Variants in FBXL13 observed in about 807,000 individuals in gnomAD.
The protein encoded by FBXL13 is F-box and leucine rich repeat protein 13.
Under a neutral mutation model 83.6 loss-of-function variants are expected in FBXL13, and 67 were observed. The ratio of observed to expected loss-of-function variants is 0.80; its 90% CI spans 0.66 to 0.98. The LOEUF is 0.98. FBXL13 is among the 50% of genes least tolerant of loss of function. The pLI, the probability that FBXL13 is intolerant of heterozygous loss-of-function variation, is 0.00. For synonymous variants in FBXL13, 272 were observed against 299.5 expected, an observed-to-expected ratio of 0.91 and a Z score of 0.95; for missense variants, 822 against 866.5, an observed-to-expected ratio of 0.95 and a Z score of 0.64.
Position 102,909,721 on chromosome 7 carries a change from A to C in FBXL13, c.1008+3365T>G, listed in dbSNP as rs572183461. Among the ~76,000 whole-genome samples the C allele has an allele frequency of 4.6e-5, 7 of 152,220 alleles. No homozygotes were observed. In the East Asian group the frequency reaches 1.2e-3, roughly 25 times the overall value. On this transcript the variant is annotated intron_variant, in intron 11 of 19. Coordinates refer to ENST00000313221, the Ensembl canonical transcript of FBXL13. ...CCTGGAACGAGGGCCTTATGACTCT[A>C]ACTGGTGCCCTATCCTGCCGTGGCT...
chr7:102,832,727 A>T, intron 18 of FBXL13, 113 bp downstream of exon 19: 3 of 1,266,112 alleles, frequency 2.4e-6, no homozygotes, highest in Non-Finnish European at 3.1e-6. Context: ...TCCAATGAAT[A>T]CCTCAACCAT....
intron 9 of FBXL13, among the ~76,000 whole-genome samples, chr7:102,927,663 T>C (rs935092514): frequency 3.3e-5 from 5 of 152,216 alleles, no homozygotes; most frequent in African/African-American, 1.2e-4. Flanking sequence ...GGGAAGGTTC[T>C]ATGCACCCAT....
At chr7:102,880,823 T>C (rs986332990) in intron 14 of FBXL13, among the ~76,000 whole-genome samples, 2 of 152,188 alleles carry the variant, frequency 1.3e-5, no homozygotes, top group Non-Finnish European at 2.9e-5. Context: ...CTTAAAGAGG[T>C]ACAAACCCTA....
chr7:103,054,573 T>A (rs1368424576), intron 2 of FBXL13, among the ~76,000 whole-genome samples: 2 of 152,190 alleles, frequency 1.3e-5, no homozygotes, highest in South Asian at 2.1e-4. Context: ...CAAAACTAGC[T>A]GCTGGTACCA....
At chr7:102,821,738 TTAAC>T (rs1438409435) in intron 19 of FBXL13, among the ~76,000 whole-genome samples, 2 of 152,132 alleles carry the variant, frequency 1.3e-5, no homozygotes, top group Non-Finnish European at 2.9e-5. Flanking sequence ...CTAGGGGAGA[TTAAC>T]TGAATGGACT....
Position 102,822,333 on chromosome 7 carries a change from C to A in FBXL13, c.1855-130G>T, listed in dbSNP as rs760864510. The A allele has an allele frequency of 5.6e-6, 5 of 888,632 alleles. No individual in the cohort carries two copies. In the South Asian group the frequency reaches 7.0e-5, roughly 12 times the overall value. The allele number at this position is 888,632 out of a possible 1,614,324, so 55.0% of individuals were successfully genotyped here. ...GCTTAAACATCAAACATTTATTTCT[C>A]ACAGTTCTAGAGGCTGGGAAGTCCA... On this transcript the variant is annotated intron_variant, in intron 18 of 19. Coordinates refer to ENST00000313221, the Ensembl canonical transcript of FBXL13.
chr7:102,979,260 A>G (rs959577162), intron 6 of FBXL13, among the ~76,000 whole-genome samples: 1 of 152,182 alleles, frequency 6.6e-6, no homozygotes, highest in Non-Finnish European at 1.5e-5. Flanking sequence ...TTTCAAGAAG[A>G]AATGGGTCCC....
chr7:103,041,495 A>C (rs572400927), intron 2 of FBXL13, among the ~76,000 whole-genome samples: 31 of 152,296 alleles, frequency 2.0e-4, no homozygotes, highest in East Asian at 7.7e-4. Context: ...ATCCTGATAC[A>C]AAAGCCTGAT....
chr7:103,028,637 C>G, exon 4 of FBXL13: 1 of 1,593,190 alleles, frequency 6.3e-7, no homozygotes, highest in African/African-American at 1.4e-5. Flanking sequence ...TATAAGAGTG[C>G]CAGTGATGAA....
intron 6 of FBXL13, among the ~76,000 whole-genome samples, chr7:102,977,365 G>T (rs996618239): frequency 6.6e-6 from 1 of 152,182 alleles, no homozygotes; most frequent in Non-Finnish European, 1.5e-5. Context: ...GAAGAGGGTG[G>T]AGTCTGTGGT....
intron 2 of FBXL13, among the ~76,000 whole-genome samples, chr7:103,049,513 C>A (rs1796600424): frequency 6.6e-6 from 1 of 152,160 alleles, no homozygotes; most frequent in African/African-American, 2.4e-5. Flanking sequence ...ACATATATAA[C>A]TACACAGACA....
intron 2 of FBXL13, chr7:103,031,264 A>C (rs936557075): frequency 6.6e-6 from 1 of 152,196 alleles, no homozygotes; most frequent in South Asian, 2.1e-4. Flanking sequence ...TCCACCATCC[A>C]CACTCCAGCC....
At chr7:102,982,548 G>C (rs1828378855) in intron 6 of FBXL13, among the ~76,000 whole-genome samples, 1 of 152,184 alleles carries the variant, frequency 6.6e-6, no homozygotes, top group East Asian at 1.9e-4. Flanking sequence ...CTTCAGAGTA[G>C]TGGTAAAAAC....
At chr7:102,912,671 ACC>A (rs3832498) in intron 11 of FBXL13, among the ~76,000 whole-genome samples, 6,041 of 73,640 alleles carry the variant, frequency 0.082, 613 homozygotes, top group African/African-American at 0.25. Context: ...ATAGCATTTT[ACC>A]CCCCCCCCCC....
chr7:102,937,014 CA>C (rs1190786259), intron 8 of FBXL13, among the ~76,000 whole-genome samples: 1 of 152,046 alleles, frequency 6.6e-6, no homozygotes, highest in African/African-American at 2.4e-5. Flanking sequence ...TGTGTAAACA[CA>C]ACCTTCCAGA....
intron 6 of FBXL13, among the ~76,000 whole-genome samples, chr7:102,990,317 G>C (rs932539377): frequency 2.6e-5 from 4 of 152,082 alleles, no homozygotes; most frequent in African/African-American, 9.7e-5. Context: ...AAAAGAAACA[G>C]GAAATGTCAT....
intron 6 of FBXL13, among the ~76,000 whole-genome samples, chr7:102,972,025 CAAA>C (rs199784264): frequency 1.1e-5 from 1 of 90,954 alleles, no homozygotes; most frequent in Non-Finnish European, 2.4e-5. Flanking sequence ...GAGTCCATCT[CAAA>C]AAAAAAAAAA....
chr7:102,823,920 G>T lies in FBXL13; in HGVS notation c.1855-1717C>A, dbSNP rs138093365. 4.6e-5 allele frequency among the ~76,000 whole-genome samples: 7 copies of T among 152,214 alleles called. No homozygotes were observed. The East Asian group carries it at 1.3e-3, about 29-fold the overall frequency. On this transcript the variant is annotated intron_variant, in intron 18 of 19. Coordinates refer to ENST00000313221, the Ensembl canonical transcript of FBXL13. ...TGCCTCAGACATTCCTGCCATACTAGGTTGATCTCTGAGGATCTGATGTCA... is the reference window on the plus strand; with the variant it reads ...TGCCTCAGACATTCCTGCCATACTATGTTGATCTCTGAGGATCTGATGTCA...
In FBXL13 at chr7:102,915,997, T is replaced by C. The variant is rs75716414; in HGVS notation, c.879-2782A>G. On this transcript the variant is annotated intron_variant, in intron 10 of 19. Transcript: ENST00000313221. Reference sequence around the variant, plus strand: ...GATGAGTTTCTTCTTTTTTTTTTTTTGTTTGAGACGGAGTCTCACTCTGTT... The same window carrying C: ...GATGAGTTTCTTCTTTTTTTTTTTTCGTTTGAGACGGAGTCTCACTCTGTT... Among the ~76,000 whole-genome samples the C allele has an allele frequency of 2.0e-5, 3 of 151,194 alleles. No individual in the cohort carries two copies. The South Asian group carries it at 6.2e-4, about 31-fold the overall frequency.
Sources: allele counts gnomAD v4.1 joint callset (sites outside exome capture counted in the v4.1 genomes callset), GRCh38; gene constraint gnomAD v4.1.1; transcripts MANE v1.5; gene names NCBI Gene and HGNC (gene_info 2026-07-23, HGNC 2026-07-21).